NGEF: variants seen among roughly 807,000 people sequenced by gnomAD.
NGEF encodes the protein ephexin-1.
In NGEF, 31 loss-of-function variants were observed where a neutral mutation model predicts 80.9. The ratio of observed to expected loss-of-function variants is 0.38; its 90% CI spans 0.29 to 0.52. The LOEUF (loss-of-function observed/expected upper bound fraction) is 0.52. Ranked by LOEUF, NGEF falls within the 20% of genes least tolerant of loss-of-function variation. The probability of loss-of-function intolerance (pLI) is 0.84; values close to 1 mark genes in which losing one functional copy is unlikely to be tolerated. For synonymous variants in NGEF, 371 were observed against 370.2 expected (o/e 1.00, Z -0.03); for missense variants, 709 against 926.2 (o/e 0.77, Z 3.04).
chr2:232,964,845 G>A lies in NGEF; in HGVS notation c.383+5369C>T, dbSNP rs141481819. Among the ~76,000 whole-genome samples the A allele has an allele frequency of 1.7e-3, 255 of 152,356 alleles. 2 individuals are homozygous for A. The Middle Eastern group carries it at 0.017, about 10-fold the overall frequency. ...GAACCAACAAAACCAATCTGATGGT[G>A]ATAGATGTTAGAAGATGGTTACGTC... On this transcript the variant is annotated intron_variant, in intron 3 of 14. Transcript: ENST00000264051.
chr2:232,927,775 G>T (rs1345958467), intron 3 of NGEF: 2 of 545,262 alleles, frequency 3.7e-6, no homozygotes, highest in Non-Finnish European at 2.7e-6. Flanking sequence ...GGCGGCGGGG[G>T]CCCGCGGAGG....
chr2:232,888,129 G>A (rs746471927), intron 8 of NGEF, 22 bp from the exon 9 acceptor site: 10 of 1,556,426 alleles, frequency 6.4e-6, no homozygotes, highest in African/African-American at 2.8e-5. Context: ...GAAAGGCTGC[G>A]TTAACTTTAA....
chr2:232,951,217 C>T lies in NGEF; in HGVS notation c.383+18997G>A, dbSNP rs941855767. Among the ~76,000 whole-genome samples, 12 of 152,198 alleles carry T rather than the reference C, an allele frequency of 7.9e-5. No individual in the cohort carries two copies. In the South Asian group the frequency reaches 8.3e-4, roughly 11 times the overall value. Reference sequence around the variant, plus strand: ...CTGCCTTTAGCCTCTCTGGTGGCCACGCGCTACCTCGATGTCTAGGGCTTT... The same window carrying T: ...CTGCCTTTAGCCTCTCTGGTGGCCATGCGCTACCTCGATGTCTAGGGCTTT... On this transcript the variant is annotated intron_variant, in intron 3 of 14. Coordinates refer to ENST00000264051, the MANE Select transcript of NGEF (RefSeq NM_019850.3).
intron 1 of NGEF, among the ~76,000 whole-genome samples, chr2:232,995,974 T>C (rs1043621091): frequency 2.0e-5 from 3 of 151,570 alleles, no homozygotes; most frequent in Admixed American, 6.6e-5. Context: ...GGTGTGAGCG[T>C]AAAACTGAAT....
At chr2:232,891,541 G>A in intron 7 of NGEF, 54 bp from the exon 8 acceptor site, 1 of 1,567,140 alleles carries the variant, frequency 6.4e-7, no homozygotes, top group Non-Finnish European at 8.7e-7. Flanking sequence ...GCATGAACTG[G>A]AGACTCCTCC....
chr2:232,986,464 T>A (rs1019627177), intron 1 of NGEF, among the ~76,000 whole-genome samples: 1 of 152,230 alleles, frequency 6.6e-6, no homozygotes, highest in Non-Finnish European at 1.5e-5. Context: ...TATGTCCATC[T>A]ACAGATAAAT....
chr2:232,948,402 A>G (rs1693606543), intron 3 of NGEF, among the ~76,000 whole-genome samples: 1 of 152,058 alleles, frequency 6.6e-6, no homozygotes, highest in Non-Finnish European at 1.5e-5. Flanking sequence ...CTTAAGTGTG[A>G]TAATGGCACT....
In NGEF at chr2:232,888,035, T is replaced by C. The variant is rs746915675; in HGVS notation, c.1345A>G (p.Met449Val). The C allele has an allele frequency of 1.2e-6, 2 of 1,613,528 alleles. No individual in the cohort carries two copies. Among genetic ancestry groups the C allele is most frequent in the African/African-American group, 1.3e-5 (1 of 74,918 alleles). The part of the protein sequence containing the change: ...TALDAHKELE[M>V]VVKACNEGVR... ...GCACAAGAGGAGGTGAGACTCACCA[T>C]TTCCAGCTCCTTGTGAGCATCCAAA... The change falls in exon 9 of 15, where the codon ATG (methionine) becomes GTG (valine). Residue 449 changes from methionine (M) to valine (V), a missense_variant and splice_region_variant. Coordinates refer to ENST00000264051, the MANE Select transcript of NGEF (RefSeq NM_019850.3).
At chr2:232,981,914 G>A (rs1401489243) in intron 1 of NGEF, among the ~76,000 whole-genome samples, 1 of 152,206 alleles carries the variant, frequency 6.6e-6, no homozygotes, top group Non-Finnish European at 1.5e-5. Context: ...CTAGGTGCTG[G>A]GGACAGCTCA....
intron 2 of NGEF, among the ~76,000 whole-genome samples, chr2:232,973,379 T>G (rs1287153516): frequency 6.6e-6 from 1 of 152,220 alleles, no homozygotes; most frequent in African/African-American, 2.4e-5. Flanking sequence ...ATTTTGTTAG[T>G]GTTTGTGGTG....
chr2:232,964,854 T>C (rs1211941725), intron 3 of NGEF, among the ~76,000 whole-genome samples: 1 of 152,192 alleles, frequency 6.6e-6, no homozygotes, highest in African/African-American at 2.4e-5. Context: ...TGATAGATGT[T>C]AGAAGATGGT....
intron 2 of NGEF, among the ~76,000 whole-genome samples, chr2:232,973,497 G>A (rs1489151255): frequency 6.6e-6 from 1 of 152,212 alleles, no homozygotes; most frequent in African/African-American, 2.4e-5. Context: ...AGAACATGGT[G>A]CAAGGGACTA....
chr2:232,956,544 G>A (rs1693836933), intron 3 of NGEF, among the ~76,000 whole-genome samples: 2 of 152,052 alleles, frequency 1.3e-5, no homozygotes, highest in Non-Finnish European at 2.9e-5. Flanking sequence ...GAGGTGGGCG[G>A]ATACCTGAGG....
At chr2:232,930,653 C>T (rs1236674321) in intron 3 of NGEF, among the ~76,000 whole-genome samples, 2 of 152,066 alleles carry the variant, frequency 1.3e-5, no homozygotes, top group African/African-American at 2.4e-5. Context: ...TCTGGGGTCT[C>T]TTTTATAGGG....
chr2:232,972,427 T>A (rs1694212529), intron 2 of NGEF, among the ~76,000 whole-genome samples: 1 of 152,214 alleles, frequency 6.6e-6, no homozygotes, highest in South Asian at 2.1e-4. Flanking sequence ...ATGTGGCCAC[T>A]GGAAAATTTA....
chr2:232,984,715 C>A (rs903441088), intron 1 of NGEF, among the ~76,000 whole-genome samples: 3 of 152,152 alleles, frequency 2.0e-5, no homozygotes, highest in Non-Finnish European at 2.9e-5. Context: ...GGGGAAGAAG[C>A]CTGCAGGCTT....
intron 1 of NGEF, among the ~76,000 whole-genome samples, chr2:232,983,900 A>G (rs1259680264): frequency 3.9e-5 from 6 of 152,196 alleles, no homozygotes; most frequent in African/African-American, 9.7e-5. Context: ...CTGGGCCCCG[A>G]GTCCGGGCCT....
intron 3 of NGEF, among the ~76,000 whole-genome samples, chr2:232,953,316 A>G (rs1395275843): frequency 7.4e-5 from 11 of 149,390 alleles, no homozygotes; most frequent in African/African-American, 2.5e-4. Context: ...AAAAAAAAAA[A>G]AAAAGAAAAA....
intron 1 of NGEF, among the ~76,000 whole-genome samples, chr2:232,975,312 C>T (rs146783580): frequency 2.0e-5 from 3 of 152,116 alleles, no homozygotes; most frequent in South Asian, 2.1e-4. Flanking sequence ...TGAGAGGGAC[C>T]GTAAATGTCT....
Sources: allele counts gnomAD v4.1 joint callset (sites outside exome capture counted in the v4.1 genomes callset), GRCh38; gene constraint gnomAD v4.1.1; transcripts MANE v1.5; gene names NCBI Gene and HGNC (gene_info 2026-07-23, HGNC 2026-07-21).